Variants in TUBGCP3 observed in about 807,000 individuals in gnomAD.
TUBGCP3 encodes the protein gamma-tubulin complex component 3.
TUBGCP3 carries 50 observed loss-of-function variants against 123.1 expected under a neutral mutation model. The observed-to-expected ratio is 0.41, with a 90% confidence interval of 0.32 to 0.51. TUBGCP3 has a LOEUF of 0.51. Among genes scored for constraint, TUBGCP3 ranks in the 20% least tolerant of loss-of-function variants. TUBGCP3 has a pLI of 0.36. For missense variants in TUBGCP3, 882 were observed against 1,127.0 expected, an observed-to-expected ratio of 0.78 and a Z score of 3.11; for synonymous variants, 405 against 413.9, an observed-to-expected ratio of 0.98 and a Z score of 0.26.
rs1446457528 is a variant in TUBGCP3, at chr13:112,527,040, A to G, written c.1457T>C (p.Ile486Thr). The G allele has an allele frequency of 6.2e-7, 1 of 1,613,472 alleles. No homozygotes were observed. Among genetic ancestry groups the G allele is most frequent in the African/African-American group, 1.3e-5 (1 of 74,920 alleles). Residue 486 changes from isoleucine (I) to threonine (T), a missense_variant, in exon 13 of 22, where the codon ATA becomes ACA. Physicochemically the swap from Ile to Thr is moderately conservative, Grantham distance 89 (BLOSUM62 -1). Around this residue, in one of 3 missense-constraint regions of TUBGCP3, gnomAD observed 713 missense variants for 874.0 expected, o/e 0.82. Transcript: ENST00000261965. ...GTGCAAGAAATTTATTGATTTTCCT[A>G]TCAAAAGGACCTAAAAAGAAAAACA... ...TMDQSRKVLL[I>T]GKSINFLHQV...
At position 112,558,236 on chromosome 13, in the gene TUBGCP3, G is replaced by C; in HGVS notation, c.508C>G (p.Leu170Val). ...SGISSIGLCA[L>V]SGPAPAPQSL... Reference sequence around the variant, plus strand: ...TGTGGCGCAGGCGCGGGGCCACTGAGGGCACACAGGCCAATGCTGCTGATG... The same window carrying C: ...TGTGGCGCAGGCGCGGGGCCACTGACGGCACACAGGCCAATGCTGCTGATG... The change falls in exon 5 of 22, where the codon CTC (leucine) becomes GTC (valine). Residue 170 changes from leucine (L) to valine (V), a missense_variant. Physicochemically the swap from Leu to Val is conservative, Grantham distance 32. Coordinates refer to ENST00000261965, the MANE Select transcript of TUBGCP3 (RefSeq NM_006322.6). 6.2e-7 allele frequency: 1 copy of C among 1,612,270 alleles called. No individual in the cohort carries two copies. The highest frequency in any genetic ancestry group is 1.1e-5 in the South Asian group (1 of 90,962).
At chr13:112,549,341 G>A (rs1206412796) in intron 8 of TUBGCP3, among the ~76,000 whole-genome samples, 1 of 151,922 alleles carries the variant, frequency 6.6e-6, no homozygotes. Flanking sequence ...TTGTGGGGTG[G>A]GGGGAGCGGG....
At chr13:112,522,268 C>A in intron 14 of TUBGCP3, 52 bp downstream of exon 14, 1 of 1,322,176 alleles carries the variant, frequency 7.6e-7, no homozygotes, top group Non-Finnish European at 1.0e-6. Context: ...TACAAGATTC[C>A]TTATCATGTC....
intron 11 of TUBGCP3, chr13:112,544,632 A>G (rs1476307633): frequency 4.6e-5 from 7 of 152,176 alleles, no homozygotes; most frequent in Admixed American, 2.0e-4. Context: ...ACAGGACAGT[A>G]GCTAGATAAA....
At position 112,488,298 on chromosome 13, in the gene TUBGCP3, C is replaced by T. The variant is rs550039265; in HGVS notation, c.2565+1283G>A. Among the ~76,000 whole-genome samples, 22 of 152,210 alleles carry T rather than the reference C, an allele frequency of 1.4e-4. 1 individual carries two copies. In the South Asian group the frequency reaches 4.4e-3, roughly 30 times the overall value. On this transcript the variant is annotated intron_variant, in intron 21 of 21. Coordinates refer to ENST00000261965, the MANE Select transcript of TUBGCP3 (RefSeq NM_006322.6). ...TTGATGCTCCATGATTAGTGATCAG[C>T]GACTGAACAGAAATATTTTTCATGA...
chr13:112,550,901 A>G (rs186900632), intron 8 of TUBGCP3, among the ~76,000 whole-genome samples: 4 of 152,206 alleles, frequency 2.6e-5, no homozygotes, highest in African/African-American at 9.6e-5. Context: ...GATTAAGACC[A>G]TCCTGGCTAA....
chr13:112,570,985 T>C (rs1594217763), intron 1 of TUBGCP3, among the ~76,000 whole-genome samples: 1 of 152,232 alleles, frequency 6.6e-6, no homozygotes, highest in African/African-American at 2.4e-5. Flanking sequence ...ATTGTGGCAG[T>C]TCAGTTACCT....
intron 17 of TUBGCP3, among the ~76,000 whole-genome samples, chr13:112,505,882 T>C (rs1881270507): frequency 6.6e-6 from 1 of 152,018 alleles, no homozygotes; most frequent in African/African-American, 2.4e-5. Flanking sequence ...GAGGAGGACG[T>C]ACTACAGAGA....
At chr13:112,528,160 G>A (rs963610877) in intron 11 of TUBGCP3, among the ~76,000 whole-genome samples, 9 of 152,224 alleles carry the variant, frequency 5.9e-5, no homozygotes, top group Non-Finnish European at 1.2e-4. Flanking sequence ...GAGCAGTAAG[G>A]AGAAAATTCA....
At chr13:112,493,252 C>G (rs1880253091) in intron 20 of TUBGCP3, among the ~76,000 whole-genome samples, 1 of 150,602 alleles carries the variant, frequency 6.6e-6, no homozygotes, top group Non-Finnish European at 1.5e-5. Flanking sequence ...GGAACAGGGC[C>G]TGGTGTGCCT....
chr13:112,552,251 G>A (rs1879649847), intron 8 of TUBGCP3, among the ~76,000 whole-genome samples: 1 of 152,208 alleles, frequency 6.6e-6, no homozygotes, highest in Non-Finnish European at 1.5e-5. Context: ...TATTGATTTT[G>A]TGTGTGTGTT....
At chr13:112,502,719 G>C (rs191944018) in intron 19 of TUBGCP3, among the ~76,000 whole-genome samples, 58 of 151,716 alleles carry the variant, frequency 3.8e-4, no homozygotes, top group African/African-American at 1.3e-3. Flanking sequence ...CTAATTTTTT[G>C]TATTTTTAGT....
rs1024434841 is a variant in TUBGCP3, at chr13:112,499,052, T to C, written c.2441A>G (p.Glu814Gly). Residue 814 changes from glutamate (E) to glycine (G), a missense_variant, in exon 20 of 22, where the codon GAA becomes GGA. Coordinates refer to ENST00000261965, the MANE Select transcript of TUBGCP3 (RefSeq NM_006322.6). ...LQFEEKKKQR[E>G]IEGQWGVTAA... Reference sequence around the variant, plus strand: ...CAAGTGTAAAGACCATACCTCAATTTCACGCTGTTTCTTTTTCTCTTCAAA... The same window carrying C: ...CAAGTGTAAAGACCATACCTCAATTCCACGCTGTTTCTTTTTCTCTTCAAA... The C allele has an allele frequency of 6.2e-7, 1 of 1,614,188 alleles. No homozygotes were observed. The highest frequency in any genetic ancestry group is 8.5e-7 in the Non-Finnish European group (1 of 1,180,020).
At chr13:112,601,639 C>A in the TUBGCP3 span, among the ~76,000 whole-genome samples, 1 of 152,300 alleles carries the variant, frequency 6.6e-6, no homozygotes, top group East Asian at 1.9e-4. Context: ...TTGAAGGTAG[C>A]AGTTGGGCAT....
At chr13:112,599,035 G>T in the TUBGCP3 span, among the ~76,000 whole-genome samples, 2 of 149,944 alleles carry the variant, frequency 1.3e-5, no homozygotes, top group Non-Finnish European at 3.0e-5. Context: ...TACTGCAAGA[G>T]GGATAAAAGA....
In TUBGCP3 at chr13:112,554,065, C is replaced by T. The variant is rs184368649; in HGVS notation, c.958G>A (p.Val320Ile). ...AGGAACCATGAACGCACCTGCCCGA[C>T]GAGTCCGAATGAGCGGTCCAGGCTC... ...QRSLDRSFGL[V>I]GQSFCAALHQ... The change falls in exon 8 of 22, where the codon GTC (valine) becomes ATC (isoleucine). Residue 320 changes from valine to isoleucine, a missense_variant. Coordinates refer to ENST00000261965, the MANE Select transcript of TUBGCP3 (RefSeq NM_006322.6). 4.5e-5 allele frequency: 72 copies of T among 1,612,550 alleles called. 1 individual carries two copies. In the South Asian group the frequency reaches 6.8e-4, roughly 15 times the overall value.
Position 112,545,800 on chromosome 13 carries a change from G to A in TUBGCP3, c.1234C>T (p.Arg412Trp), listed in dbSNP as rs758171886. 1.3e-5 allele frequency: 21 copies of A among 1,614,016 alleles called. No individual in the cohort carries two copies. In the South Asian group the frequency reaches 1.3e-4, roughly 10 times the overall value. ...CTGAGGATGTGCTGCACCAGAGACCGCATGTACGGGTCTCCTGTTTTTGTG... is the reference window on the plus strand; with the variant it reads ...CTGAGGATGTGCTGCACCAGAGACCACATGTACGGGTCTCCTGTTTTTGTG... ...AYTKTGDPYM[R>W]SLVQHILSLV... The change falls in exon 11 of 22, where the codon CGG becomes TGG. Residue 412 changes from arginine (R) to tryptophan (W), a missense_variant. Coordinates refer to ENST00000261965, the MANE Select transcript of TUBGCP3 (RefSeq NM_006322.6). The surrounding 1 kb of genome is among the most constrained non-coding windows in gnomAD (Gnocchi z 4.1).
intron 11 of TUBGCP3, among the ~76,000 whole-genome samples, chr13:112,531,748 G>A (rs113701842): frequency 3.9e-4 from 60 of 152,186 alleles, no homozygotes; most frequent in African/African-American, 1.4e-3. Context: ...CAAACATCTC[G>A]TAGCAAGCAC....
chr13:112,569,090 C>T, intron 2 of TUBGCP3, 62 bp downstream of exon 2: 3 of 1,509,780 alleles, frequency 2.0e-6, no homozygotes, highest in Admixed American at 3.6e-5. Context: ...TGCATACATA[C>T]ATCTGCTTAA....
Sources: gnomAD v4.1 joint callset for allele counts (sites outside exome capture counted in the v4.1 genomes callset) on GRCh38, gnomAD v4.1.1 for gene constraint, gnomAD v4.1.1 regional missense constraint, Gnocchi (gnomAD v3.1) non-coding constraint, MANE v1.5 for transcripts, NCBI Gene and HGNC (gene_info 2026-07-23, HGNC 2026-07-21) for gene names.